UST: variants seen among roughly 807,000 people sequenced by gnomAD.
The protein encoded by UST is chondroitin sulfate 2-O-sulfotransferase.
In UST, 21 loss-of-function variants were observed where a neutral mutation model predicts 45.6. That is an observed-to-expected ratio of 0.46 (90% CI 0.33 to 0.66). The LOEUF (loss-of-function observed/expected upper bound fraction) is 0.66, where lower values mean the gene tolerates loss of function less well. Among genes scored for constraint, UST ranks in the 30% least tolerant of loss-of-function variants. The probability of loss-of-function intolerance (pLI) is 0.02; values close to 1 mark genes in which losing one functional copy is unlikely to be tolerated. For missense variants in UST, 463 were observed against 512.4 expected, an observed-to-expected ratio of 0.90 and a Z score of 0.93; for synonymous variants, 215 against 200.6, an observed-to-expected ratio of 1.07 and a Z score of -0.61.
intron 1 of UST, among the ~76,000 whole-genome samples, chr6:148,764,578 A>C (rs1460857149): frequency 6.6e-6 from 1 of 152,210 alleles, no homozygotes; most frequent in Non-Finnish European, 1.5e-5. Flanking sequence ...ATAAAGGGAA[A>C]GAGTACAAAA....
At chr6:149,048,511 G>A (rs1218726667) in intron 7 of UST, among the ~76,000 whole-genome samples, 2 of 144,004 alleles carry the variant, frequency 1.4e-5, no homozygotes, top group Non-Finnish European at 3.0e-5. Flanking sequence ...ATTCCAGCCT[G>A]GGCAATAGAG....
At chr6:149,057,741 A>G (rs908889288) in intron 7 of UST, among the ~76,000 whole-genome samples, 4 of 152,260 alleles carry the variant, frequency 2.6e-5, no homozygotes, top group Admixed American at 1.3e-4. Flanking sequence ...AGAAATGGTC[A>G]TGGTTAGTTA....
intron 3 of UST, among the ~76,000 whole-genome samples, chr6:148,951,724 A>G (rs1359307668): frequency 6.6e-6 from 1 of 152,230 alleles, no homozygotes; most frequent in East Asian, 1.9e-4. Flanking sequence ...ATTTGTGAAG[A>G]TCAAACCGGC....
At chr6:148,819,909 T>C (rs1777424075) in intron 1 of UST, among the ~76,000 whole-genome samples, 1 of 152,240 alleles carries the variant, frequency 6.6e-6, no homozygotes, top group Non-Finnish European at 1.5e-5. Flanking sequence ...TCCTAACTCT[T>C]CTGGGGGTTT....
intron 1 of UST, among the ~76,000 whole-genome samples, chr6:148,825,391 A>AATATT: frequency 6.6e-6 from 1 of 152,282 alleles, no homozygotes; most frequent in Non-Finnish European, 1.5e-5. Flanking sequence ...ATTGTTAATT[A>AATATT]AACAGTGGGT....
At chr6:148,865,597 A>G (rs866702497) in intron 1 of UST, among the ~76,000 whole-genome samples, 8 of 152,148 alleles carry the variant, frequency 5.3e-5, no homozygotes, top group South Asian at 4.1e-4. Context: ...AAGTGAAATG[A>G]AACATACAGC....
Position 149,019,222 on chromosome 6 carries a change from G to C in UST, c.765G>C (p.Gln255His). 1 of 1,613,934 alleles carries C rather than the reference G, an allele frequency of 6.2e-7. No homozygotes were observed. Among genetic ancestry groups the C allele is most frequent in the Non-Finnish European group, 8.5e-7 (1 of 1,179,826 alleles). The change falls in exon 6 of 8, where the codon CAG becomes CAC. Residue 255 changes from glutamine to histidine, a missense_variant. Transcript: ENST00000367463. Reference protein sequence around the residue: ...LFYIIPYFCGQHPRCREPGEW... With the variant: ...LFYIIPYFCGHHPRCREPGEW... The stretch of plus-strand genomic sequence containing the variant: ...ACATCATTCCGTACTTTTGTGGACA[G>C]CATCCCAGATGCAGGTAAGGGCTAA...
At chr6:148,920,642 C>T (rs1469349363) in intron 2 of UST, among the ~76,000 whole-genome samples, 1 of 152,222 alleles carries the variant, frequency 6.6e-6, no homozygotes, top group African/African-American at 2.4e-5. Context: ...AATCCTTCCA[C>T]CTCAGCCTCC....
chr6:148,939,186 G>A (rs1333158821), intron 2 of UST, among the ~76,000 whole-genome samples: 1 of 152,062 alleles, frequency 6.6e-6, no homozygotes, highest in Non-Finnish European at 1.5e-5. Flanking sequence ...AAACATCAAA[G>A]AAACGAATTA....
intron 1 of UST, among the ~76,000 whole-genome samples, chr6:148,762,533 A>ACCTTTTT (rs1406385569): frequency 6.9e-6 from 1 of 144,188 alleles, no homozygotes; most frequent in Non-Finnish European, 1.5e-5. Flanking sequence ...GCAGGCTTCT[A>ACCTTTTT]TCTTTTTTTT....
intron 1 of UST, among the ~76,000 whole-genome samples, chr6:148,770,235 GGAGAAGA>G (rs1209119142): frequency 1.3e-5 from 2 of 151,708 alleles, no homozygotes; most frequent in Non-Finnish European, 2.9e-5. Context: ...GGAGCACAGA[GGAGAAGA>G]GAGAAGGAGA....
chr6:148,905,862 CCTT>C (rs1273653011), intron 2 of UST, among the ~76,000 whole-genome samples: 1 of 152,192 alleles, frequency 6.6e-6, no homozygotes, highest in African/African-American at 2.4e-5. Context: ...TCACTTCTGA[CCTT>C]ATAATATTCT....
intron 1 of UST, among the ~76,000 whole-genome samples, chr6:148,878,426 GTA>G: frequency 8.6e-6 from 1 of 115,770 alleles, no homozygotes. Flanking sequence ...GGGGGGTCGT[GTA>G]TGAGTGTGGG....
intron 7 of UST, among the ~76,000 whole-genome samples, chr6:149,044,635 C>T (rs968157921): frequency 3.9e-5 from 6 of 152,172 alleles, no homozygotes; most frequent in Non-Finnish European, 8.8e-5. Flanking sequence ...CTGCCTCATT[C>T]GGCCATGGGG....
chr6:148,826,432 G>T (rs913937801), intron 1 of UST, among the ~76,000 whole-genome samples: 44 of 148,858 alleles, frequency 3.0e-4, no homozygotes, highest in Non-Finnish European at 5.8e-4. Context: ...TATTCATCAT[G>T]TTTTTTTTTT....
chr6:148,981,558 G>A (rs1181449160), intron 5 of UST, among the ~76,000 whole-genome samples: 2 of 152,182 alleles, frequency 1.3e-5, no homozygotes, highest in Admixed American at 1.3e-4. Context: ...AGAATTTGCT[G>A]CATGTGGGTA....
At chr6:148,914,403 G>A (rs1779542367) in intron 2 of UST, among the ~76,000 whole-genome samples, 1 of 151,754 alleles carries the variant, frequency 6.6e-6, no homozygotes, top group Non-Finnish European at 1.5e-5. Flanking sequence ...ATTGGGGGGT[G>A]GGTGGGGAGG....
intron 5 of UST, among the ~76,000 whole-genome samples, chr6:149,018,580 A>G (rs780584397): frequency 6.6e-6 from 1 of 152,196 alleles, no homozygotes; most frequent in Non-Finnish European, 1.5e-5. Flanking sequence ...CCTGGACGTC[A>G]CAACTGTTGC....
rs1479462289 is a variant in UST, at chr6:148,966,091, G to A, written c.681+1528G>A. Among the ~76,000 whole-genome samples the A allele has an allele frequency of 4.6e-5, 7 of 151,980 alleles. No homozygotes were observed. The East Asian group carries it at 9.7e-4, about 21-fold the overall frequency. On this transcript the variant is annotated intron_variant, in intron 5 of 7. Transcript: ENST00000367463. Reference sequence around the variant, plus strand: ...ATACAAAAATTAGCCGAGCATGGTGGCGCATGCCTGTGATCCCAGCGAATT... The same window carrying A: ...ATACAAAAATTAGCCGAGCATGGTGACGCATGCCTGTGATCCCAGCGAATT...
Sources: gnomAD v4.1 joint callset for allele counts (sites outside exome capture counted in the v4.1 genomes callset) on GRCh38, gnomAD v4.1.1 for gene constraint, MANE v1.5 for transcripts, NCBI Gene and HGNC (gene_info 2026-07-23, HGNC 2026-07-21) for gene names.